ANO6: variants seen among roughly 807,000 people sequenced by gnomAD.
ANO6 encodes the protein anoctamin-6.
ANO6 carries 106 observed loss-of-function variants against 117.5 expected under a neutral mutation model. That is an observed-to-expected ratio of 0.90 (90% confidence interval 0.77 to 1.06). The LOEUF (loss-of-function observed/expected upper bound fraction) is 1.06, where lower values mean the gene tolerates loss of function less well. Among genes scored for constraint, ANO6 ranks in the 50% least tolerant of loss-of-function variants. The pLI, the probability that ANO6 is intolerant of heterozygous loss-of-function variation, is 0.00. For synonymous variants in ANO6, 367 were observed against 385.1 expected (o/e 0.95, Z 0.55); for missense variants, 955 against 1,121.1 (o/e 0.85, Z 2.12).
chr12:45,284,249 T>C (rs7960422), intron 1 of ANO6, among the ~76,000 whole-genome samples: 143,418 of 152,288 alleles, frequency 0.94, 68,155 homozygotes, highest in East Asian at 1. Context: ...GCATTCCTTC[T>C]TTCTGGGTAA....
chr12:45,372,466 G>A (rs1160328792), intron 9 of ANO6, among the ~76,000 whole-genome samples: 1 of 143,124 alleles, frequency 7.0e-6, no homozygotes, highest in Non-Finnish European at 1.5e-5. Flanking sequence ...AGAGAGAAAG[G>A]TCGGGTTACC....
intron 1 of ANO6, among the ~76,000 whole-genome samples, chr12:45,237,511 T>C (rs1200182582): frequency 6.6e-6 from 1 of 152,260 alleles, no homozygotes; most frequent in East Asian, 1.9e-4. Flanking sequence ...TTTTGTCAAG[T>C]TTGTCAAAGA....
At position 45,439,743 on chromosome 12, in the gene ANO6, A is replaced by T. The variant is rs912784485; in HGVS notation, c.2595A>T (p.Pro865=). The change falls in exon 20 of 20, where the codon CCA becomes CCT. Residue 865 remains proline, a synonymous_variant. Coordinates refer to the ANO6 transcript ENST00000425752. ...TGGCTCACTGCAACCTCCGCCTCCCAGTTGACTGCTGTATGTGTTATAGGT... is the reference window on the plus strand; with the variant it reads ...TGGCTCACTGCAACCTCCGCCTCCCTGTTGACTGCTGTATGTGTTATAGGT... The T allele has an allele frequency of 2.7e-5, 42 of 1,540,916 alleles. No individual in the cohort carries two copies. Among genetic ancestry groups the T allele is most frequent in the Admixed American group, 1.0e-4 (5 of 49,226 alleles).
At chr12:45,364,384 A>G (rs1222620151) in intron 8 of ANO6, among the ~76,000 whole-genome samples, 1 of 152,204 alleles carries the variant, frequency 6.6e-6, no homozygotes, top group African/African-American at 2.4e-5. Flanking sequence ...GATTCTTCAA[A>G]TATTATTTCT....
chr12:45,245,779 T>C (rs1947815873), intron 1 of ANO6, among the ~76,000 whole-genome samples: 1 of 152,136 alleles, frequency 6.6e-6, no homozygotes, highest in African/African-American at 2.4e-5. Flanking sequence ...TTAATGGAAA[T>C]CTTATGATTT....
intron 19 of ANO6, chr12:45,439,547 G>A: frequency 2.4e-6 from 2 of 831,300 alleles, no homozygotes; most frequent in Non-Finnish European, 3.3e-6. Flanking sequence ...TTTGAATTTG[G>A]ACCTTTAAAC....
At chr12:45,226,002 T>G (rs1462972159) in intron 1 of ANO6, among the ~76,000 whole-genome samples, 3 of 152,222 alleles carry the variant, frequency 2.0e-5, no homozygotes, top group Non-Finnish European at 2.9e-5. Context: ...ACATTATTTT[T>G]TTTTCTTTAG....
intron 3 of ANO6, among the ~76,000 whole-genome samples, chr12:45,333,870 A>G (rs1482697166): frequency 2.6e-5 from 4 of 152,052 alleles, no homozygotes; most frequent in African/African-American, 9.7e-5. Flanking sequence ...TTTCTTTGAA[A>G]GAAAAAAAAC....
chr12:45,217,227 C>G (rs1201753128), intron 1 of ANO6, among the ~76,000 whole-genome samples: 1 of 152,156 alleles, frequency 6.6e-6, no homozygotes, highest in Non-Finnish European at 1.5e-5. Flanking sequence ...CTAAAGAGAA[C>G]ACTGTCGGGG....
intron 1 of ANO6, among the ~76,000 whole-genome samples, chr12:45,245,403 TAAA>T (rs1947809490): frequency 6.6e-6 from 1 of 151,266 alleles, no homozygotes; most frequent in Non-Finnish European, 1.5e-5. Flanking sequence ...TTTTCTGTCT[TAAA>T]AAACAAAAAA....
intron 1 of ANO6, among the ~76,000 whole-genome samples, chr12:45,255,357 G>C (rs1375545185): frequency 1.3e-5 from 2 of 152,082 alleles, no homozygotes; most frequent in East Asian, 3.9e-4. Flanking sequence ...ACAACAATTA[G>C]CTGGCCATGG....
intron 2 of ANO6, among the ~76,000 whole-genome samples, chr12:45,319,908 A>T (rs2137362955): frequency 6.6e-6 from 1 of 152,160 alleles, no homozygotes; most frequent in East Asian, 1.9e-4. Flanking sequence ...TTGGCGTAGA[A>T]GTGTTTGTAG....
chr12:45,325,454 A>G (rs1940428533), intron 2 of ANO6, among the ~76,000 whole-genome samples: 1 of 152,180 alleles, frequency 6.6e-6, no homozygotes, highest in South Asian at 2.1e-4. Flanking sequence ...CTAGGAGGAT[A>G]ATCATTCACT....
chr12:45,435,115 C>CT (rs1293558702), downstream of ANO6, among the ~76,000 whole-genome samples: 1 of 152,212 alleles, frequency 6.6e-6, no homozygotes, highest in Non-Finnish European at 1.5e-5. Context: ...ATGGCACTCT[C>CT]TATTATAAAA....
In ANO6 at chr12:45,348,073, G is replaced by T; in HGVS notation, c.391G>T (p.Glu131Ter). 1 of 1,613,976 alleles carries T rather than the reference G, an allele frequency of 6.2e-7. No homozygotes were observed. Among genetic ancestry groups the T allele is most frequent in the Non-Finnish European group, 8.5e-7 (1 of 1,179,910 alleles). Residue 131 changes from glutamate to a stop codon, truncating the protein, a stop_gained, in exon 5 of 20, where the codon GAG becomes TAG. Transcript: ENST00000320560. LOFTEE classifies it high-confidence loss of function. ...LVFVKVHAPW[E>*]VLCTYAEIMH... Reference sequence around the variant, plus strand: ...ATTTGTAAAAGTACACGCACCATGGGAGGTGTTATGTACGTATGCTGAGAT... The same window carrying T: ...ATTTGTAAAAGTACACGCACCATGGTAGGTGTTATGTACGTATGCTGAGAT...
At chr12:45,436,305 C>T (rs1943706640), downstream of ANO6, among the ~76,000 whole-genome samples, 1 of 152,228 alleles carries the variant, frequency 6.6e-6, no homozygotes, top group South Asian at 2.1e-4. Context: ...CTTTGAGTCT[C>T]TGTCAAAACA....
chr12:45,387,924 G>A (rs536171677), intron 10 of ANO6, among the ~76,000 whole-genome samples: 7 of 152,168 alleles, frequency 4.6e-5, no homozygotes, highest in East Asian at 1.9e-4. Flanking sequence ...CATGTAAGAC[G>A]TGTTTTGCTT....
chr12:45,427,583 T>C (rs934921623), intron 19 of ANO6, among the ~76,000 whole-genome samples: 1 of 152,172 alleles, frequency 6.6e-6, no homozygotes, highest in African/African-American at 2.4e-5. Flanking sequence ...ATAATTTGTT[T>C]TTAATTATGC....
At chr12:45,295,995 G>A (rs2137291064) in intron 1 of ANO6, among the ~76,000 whole-genome samples, 1 of 151,904 alleles carries the variant, frequency 6.6e-6, no homozygotes, top group South Asian at 2.1e-4. Flanking sequence ...TGAGTAGCTG[G>A]GACTACAGGC....
Sources: gnomAD v4.1 joint callset for allele counts (sites outside exome capture counted in the v4.1 genomes callset) on GRCh38, gnomAD v4.1.1 for gene constraint, MANE v1.5 for transcripts, NCBI Gene and HGNC (gene_info 2026-07-23, HGNC 2026-07-21) for gene names.